Variants in MRNIP observed in about 807,000 individuals in gnomAD.
The protein encoded by MRNIP is MRN complex interacting protein.
In MRNIP, 30 loss-of-function variants were observed where a neutral mutation model predicts 29.8. The observed-to-expected ratio is 1.01, with a 90% CI of 0.75 to 1.36. The LOEUF is 1.36. Among genes scored for constraint, MRNIP ranks in the 40% most tolerant of loss-of-function variants. MRNIP has a pLI of 0.00. For missense variants in MRNIP, 459 were observed against 423.5 expected (o/e 1.08, Z -0.74); for synonymous variants, 201 against 164.1 (o/e 1.23, Z -1.72).
intron 2 of MRNIP, chr5:179,851,264 T>C (rs765598308): frequency 2.9e-4 from 132 of 455,940 alleles, no homozygotes; most frequent in Non-Finnish European, 4.4e-4. Context: ...GCCCCTCTCT[T>C]CTGAGACCCA....
chr5:179,852,729 G>A (rs1759421137), intron 2 of MRNIP, among the ~76,000 whole-genome samples: 1 of 152,174 alleles, frequency 6.6e-6, no homozygotes, highest in Admixed American at 6.5e-5. Flanking sequence ...TGAAGGGAGA[G>A]GTGGCACTGG....
At chr5:179,845,241 C>T (rs977357711) in intron 3 of MRNIP, among the ~76,000 whole-genome samples, 21 of 151,872 alleles carry the variant, frequency 1.4e-4, no homozygotes, top group African/African-American at 4.8e-4. Context: ...ACTCTGTCAC[C>T]CAGGCTGGTG....
intron 3 of MRNIP, chr5:179,847,684 A>G (rs537741907): frequency 1.1e-5 from 3 of 272,758 alleles, no homozygotes; most frequent in Middle Eastern, 1.2e-3. Context: ...AAGAGCCTTC[A>G]GCTCTGGAGG....
intron 6 of MRNIP, chr5:179,838,441 C>CA (rs1234499027): frequency 6.3e-6 from 1 of 158,180 alleles, no homozygotes; most frequent in Non-Finnish European, 1.4e-5. Flanking sequence ...TTTGGGAGGC[C>CA]AAGGCAGGTA....
chr5:179,837,691 A>T lies in MRNIP; in HGVS notation c.732T>A (p.Ser244Arg). Residue 244 changes from serine (S) to arginine (R), a missense_variant, in exon 7 of 7, where the codon AGT becomes AGA. Physicochemically the swap from Ser to Arg is moderately radical, Grantham distance 110 (BLOSUM62 -1). Coordinates refer to ENST00000292586, the MANE Select transcript of MRNIP (RefSeq NM_016175.4). ...LPPRKSSHVDSEQPRSLQRDP... is the reference protein window; with the variant it reads ...LPPRKSSHVDREQPRSLQRDP... Reference sequence around the variant, plus strand: ...CCCTCTGAAGAGACCTTGGCTGCTCACTGTCCACATGTGAACTTTTTCTAG... The same window carrying T: ...CCCTCTGAAGAGACCTTGGCTGCTCTCTGTCCACATGTGAACTTTTTCTAG... 6.2e-7 allele frequency: 1 copy of T among 1,614,192 alleles called. No individual in the cohort carries two copies. Among genetic ancestry groups the T allele is most frequent in the Non-Finnish European group, 8.5e-7 (1 of 1,180,032 alleles).
At chr5:179,842,149 A>C in intron 4 of MRNIP, 85 bp from the exon 5 acceptor site, 1 of 1,330,870 alleles carries the variant, frequency 7.5e-7, no homozygotes, top group Non-Finnish European at 1.1e-6. Flanking sequence ...CTTGGGCCTG[A>C]GGATCTCAGG....
In MRNIP at chr5:179,837,726, C is replaced by G; in HGVS notation, c.697G>C (p.Val233Leu). 2 of 1,614,250 alleles carry G rather than the reference C, an allele frequency of 1.2e-6. No homozygotes were observed. The highest frequency in any genetic ancestry group is 8.5e-7 in the Non-Finnish European group (1 of 1,180,044). Residue 233 changes from valine to leucine, a missense_variant, in exon 7 of 7, where the codon GTC becomes CTC. Transcript: ENST00000292586. ...TATSSKWAQFVLPPRKSSHVD... is the reference protein window; with the variant it reads ...TATSSKWAQFLLPPRKSSHVD... ...TGTGAACTTTTTCTAGGTGGCAGGACAAATTGCGCCCATTTAGAGGATGTG... is the reference window on the plus strand; with the variant it reads ...TGTGAACTTTTTCTAGGTGGCAGGAGAAATTGCGCCCATTTAGAGGATGTG...
rs777724565 is a variant in MRNIP at position 179,837,865 on chromosome 5, C to G, written c.558G>C (p.Trp186Cys). The change falls in exon 7 of 7, where the codon TGG becomes TGC. Residue 186 changes from tryptophan to cysteine, a missense_variant. By Grantham distance (215) the Trp-to-Cys change is radical. Transcript: ENST00000292586. ...AGGGGCTGCTGCCTTGTTTCACCTT[C>G]CATGTCAGGCCAGCCTGTCCCTGAA... ...GPQKGQAGLT[W>C]KVKQGSSPCL... 6.2e-7 allele frequency: 1 copy of G among 1,607,024 alleles called. No homozygotes were observed. The highest frequency in any genetic ancestry group is 1.1e-5 in the South Asian group (1 of 91,072).
At chr5:179,858,201 T>C (rs553189138) in intron 1 of MRNIP, among the ~76,000 whole-genome samples, 2 of 152,040 alleles carry the variant, frequency 1.3e-5, no homozygotes, top group Admixed American at 6.6e-5. Flanking sequence ...CGCTGAAAGT[T>C]AGGGAGGCAA....
rs868686059 is a variant in MRNIP, at chr5:179,841,926, G to T, written c.430C>A (p.Gln144Lys). ...TGGTACCTTTTTCTAGGCAGGTCTTGACTGAAGCGGGGGCCTGGCTCCTCC... is the reference window on the plus strand; with the variant it reads ...TGGTACCTTTTTCTAGGCAGGTCTTTACTGAAGCGGGGGCCTGGCTCCTCC... ...KMEEPGPRFS[Q>K]DLPRKRKWSR... The change falls in exon 5 of 7, where the codon CAA (glutamine) becomes AAA (lysine). Residue 144 changes from glutamine to lysine, a missense_variant. Physicochemically the swap from Gln to Lys is moderately conservative, Grantham distance 53 (BLOSUM62 1). Transcript: ENST00000292586. 1 of 1,613,966 alleles carries T rather than the reference G, an allele frequency of 6.2e-7. No individual in the cohort carries two copies. The highest frequency in any genetic ancestry group is 1.1e-5 in the South Asian group (1 of 91,060).
intron 6 of MRNIP, 124 bp from the exon 7 acceptor site, chr5:179,838,009 G>A: frequency 1.2e-6 from 1 of 860,692 alleles, no homozygotes; most frequent in Non-Finnish European, 1.8e-6. Context: ...GAAGCTGTCA[G>A]GCTGGGACAG....
At chr5:179,851,796 G>A (rs1759379152) in intron 2 of MRNIP, among the ~76,000 whole-genome samples, 1 of 151,996 alleles carries the variant, frequency 6.6e-6, no homozygotes, top group Non-Finnish European at 1.5e-5. Context: ...GGCTAACATG[G>A]TGAAACCCCA....
rs192556630 is a variant in MRNIP, at chr5:179,846,656, G to C, written c.215+1322C>G. The stretch of plus-strand genomic sequence containing the variant: ...GAGCTCCATTTACCTCTGCTTCCTG[G>C]GACAATTAAAACATAAATTTTCTGC... On this transcript the variant is annotated intron_variant, in intron 3 of 6. Coordinates refer to ENST00000292586, the MANE Select transcript of MRNIP (RefSeq NM_016175.4). 3.3e-5 allele frequency among the ~76,000 whole-genome samples: 5 copies of C among 152,092 alleles called. No homozygotes were observed. The East Asian group carries it at 9.6e-4, about 29-fold the overall frequency.
chr5:179,850,840 C>T (rs1759337278), intron 2 of MRNIP, among the ~76,000 whole-genome samples: 1 of 152,150 alleles, frequency 6.6e-6, no homozygotes, highest in African/African-American at 2.4e-5. Context: ...ATGGCACTGT[C>T]ACTTGCTTCC....
At chr5:179,851,137 A>G in intron 2 of MRNIP, 1 of 443,352 alleles carries the variant, frequency 2.3e-6, no homozygotes, top group South Asian at 1.6e-5. Flanking sequence ...CACATACCAC[A>G]CACAGCACAG....
At chr5:179,843,448 G>C (rs938836841) in intron 4 of MRNIP, among the ~76,000 whole-genome samples, 1 of 152,162 alleles carries the variant, frequency 6.6e-6, no homozygotes, top group Non-Finnish European at 1.5e-5. Flanking sequence ...TTATAACAAA[G>C]TGTGAGTCTG....
intron 4 of MRNIP, among the ~76,000 whole-genome samples, chr5:179,843,002 C>CAGCCT (rs1358546684): frequency 8.0e-6 from 1 of 125,554 alleles, no homozygotes; most frequent in Non-Finnish European, 1.6e-5. Context: ...CACTGCACTC[C>CAGCCT]GGCTGGGGGA....
intron 6 of MRNIP, chr5:179,838,741 G>A (rs1758734508): frequency 6.6e-6 from 1 of 152,226 alleles, no homozygotes; most frequent in Non-Finnish European, 1.5e-5. Context: ...CACTTTGGGA[G>A]GCTGAGGCAG....
At chr5:179,841,113 C>T (rs1412941545) in intron 5 of MRNIP, among the ~76,000 whole-genome samples, 154 bp from the exon 6 acceptor site, 1 of 152,150 alleles carries the variant, frequency 6.6e-6, no homozygotes, top group East Asian at 1.9e-4. Flanking sequence ...ACCGCCCAGG[C>T]CCCACTCCCC....
Sources: allele counts gnomAD v4.1 joint callset (sites outside exome capture counted in the v4.1 genomes callset), GRCh38; gene constraint gnomAD v4.1.1; transcripts MANE v1.5; gene names NCBI Gene and HGNC (gene_info 2026-07-23, HGNC 2026-07-21).